The following ALLC variants were observed in gnomAD, a reference collection of about 807,000 sequenced individuals.
The protein encoded by ALLC is probable inactive allantoicase.
ALLC carries 40 observed loss-of-function variants against 45.0 expected under a neutral mutation model. The ratio of observed to expected loss-of-function variants is 0.89; its 90% CI spans 0.69 to 1.16. The LOEUF is 1.16. Among genes scored for constraint, ALLC ranks in the 50% most tolerant of loss-of-function variants. The probability of loss-of-function intolerance (pLI) is 0.00; values close to 1 mark genes in which losing one functional copy is unlikely to be tolerated. For synonymous variants in ALLC, 176 were observed against 178.1 expected (o/e 0.99, Z 0.09); for missense variants, 488 against 493.1 (o/e 0.99, Z 0.10).
intron 3 of ALLC, among the ~76,000 whole-genome samples, chr2:3,677,826 C>G (rs1416672214): frequency 6.6e-6 from 1 of 152,242 alleles, no homozygotes; most frequent in Non-Finnish European, 1.5e-5. Context: ...GGGAAAGTAT[C>G]CCCATGCTGG....
chr2:3,674,123 A>C lies in ALLC; in HGVS notation c.82A>C (p.Lys28Gln). 7.7e-6 allele frequency: 12 copies of C among 1,559,644 alleles called. No homozygotes were observed. The highest frequency in any genetic ancestry group is 1.0e-5 in the Non-Finnish European group (12 of 1,148,478). ...DFFAPAENLI[K>Q]SDSPCFKEHE... is the part of the protein sequence containing the mutation. ...TTTTGCTCCTGCAGAAAACCTCATA[A>C]AGGTATTGTAAATTGACATTCTGCA... is the stretch of plus-strand genomic sequence containing the variant. The change falls in exon 3 of 12, where the codon AAG becomes CAG. Residue 28 changes from lysine (K) to glutamine (Q), a missense_variant and splice_region_variant. By Grantham distance (53) the Lys-to-Gln change is moderately conservative (BLOSUM62 1). Coordinates refer to ENST00000252505, the MANE Select transcript of ALLC (RefSeq NM_018436.4).
intron 7 of ALLC, chr2:3,695,346 G>C (rs1667633974): frequency 4.3e-6 from 1 of 230,048 alleles, no homozygotes; most frequent in African/African-American, 2.3e-5. Context: ...GATAATTTCA[G>C]GCTGTGATTA....
At chr2:3,687,037 T>A (rs1404077139) in intron 7 of ALLC, among the ~76,000 whole-genome samples, 1 of 151,016 alleles carries the variant, frequency 6.6e-6, no homozygotes, top group Non-Finnish European at 1.5e-5. Context: ...GGCTTTCATT[T>A]TTTGTCCATT....
rs531659550 is a variant in ALLC, at chr2:3,675,340, T to G, written c.84+1215T>G. On this transcript the variant is annotated intron_variant, in intron 3 of 11. Transcript: ENST00000252505. ...AAGACGTTGAGGTTGCAGTGAGCCA[T>G]CATCATGCCACTGCACTCCAGCCTG... 1.4e-4 allele frequency among the ~76,000 whole-genome samples: 21 copies of G among 145,650 alleles called. No individual in the cohort carries two copies. The East Asian group carries it at 4.0e-3, about 28-fold the overall frequency.
upstream of ALLC, among the ~76,000 whole-genome samples, chr2:3,657,190 C>A (rs533888818): frequency 3.9e-5 from 6 of 152,108 alleles, no homozygotes; most frequent in African/African-American, 1.4e-4. Context: ...AGGCGCTGGA[C>A]GCATCCTAAC....
At chr2:3,667,754 G>A (rs915534546) in intron 1 of ALLC, among the ~76,000 whole-genome samples, 2 of 152,220 alleles carry the variant, frequency 1.3e-5, no homozygotes, top group African/African-American at 4.8e-5. Context: ...AATCCGGAAA[G>A]GCAGATAATA....
At chr2:3,692,593 A>T (rs113236513) in intron 7 of ALLC, among the ~76,000 whole-genome samples, 170 of 152,278 alleles carry the variant, frequency 1.1e-3, no homozygotes, top group African/African-American at 4.0e-3. Context: ...CTTCATTTGT[A>T]GTAAGCAATC....
At chr2:3,647,781 G>A in the ALLC span, among the ~76,000 whole-genome samples, 24 of 152,086 alleles carry the variant, frequency 1.6e-4, no homozygotes, top group Admixed American at 3.3e-4. Context: ...TCACTCCCTG[G>A]TGATCACTAA....
chr2:3,656,405 T>C (rs1394218736), upstream of ALLC, among the ~76,000 whole-genome samples: 1 of 152,266 alleles, frequency 6.6e-6, no homozygotes, highest in Non-Finnish European at 1.5e-5. Flanking sequence ...GGACGTCTGC[T>C]GTGCCACGAT....
Position 3,665,316 on chromosome 2 carries a change from A to T in ALLC, c.-62-5780A>T, listed in dbSNP as rs112037496. 5.6e-3 allele frequency among the ~76,000 whole-genome samples: 820 copies of T among 145,806 alleles called. 9 individuals carry two copies. The highest frequency in any genetic ancestry group is 0.019 in the African/African-American group (757 of 40,534). ...GTACTGAGTTGAAGTGTTTTTTTTT[A>T]AATTTTATTTTAAGTTCTGGGATAC... On this transcript the variant is annotated intron_variant, in intron 1 of 11. Transcript: ENST00000252505.
At chr2:3,655,328 A>C (rs1019445697), upstream of ALLC, among the ~76,000 whole-genome samples, 1 of 152,376 alleles carries the variant, frequency 6.6e-6, no homozygotes, top group East Asian at 1.9e-4. Flanking sequence ...GCGTGGATGC[A>C]GGTGGAGGGG....
chr2:3,693,723 C>G (rs1246705101), intron 7 of ALLC, among the ~76,000 whole-genome samples: 1 of 152,168 alleles, frequency 6.6e-6, no homozygotes, highest in Non-Finnish European at 1.5e-5. Flanking sequence ...CAGTGGGAGA[C>G]AGATAAGAAA....
the ALLC span, among the ~76,000 whole-genome samples, chr2:3,651,409 G>GCA: frequency 1.2e-4 from 6 of 49,506 alleles, no homozygotes; most frequent in African/African-American, 1.8e-4. Flanking sequence ...GTGTGTGTGT[G>GCA]TGTGTGTGTG....
At chr2:3,678,918 G>A (rs750460945) in intron 4 of ALLC, among the ~76,000 whole-genome samples, 21 of 152,204 alleles carry the variant, frequency 1.4e-4, no homozygotes, top group Middle Eastern at 3.4e-3. Flanking sequence ...CTTTATCCCC[G>A]TTTAACCGCC....
chr2:3,664,912 C>G (rs999560928), intron 1 of ALLC, among the ~76,000 whole-genome samples: 12 of 151,450 alleles, frequency 7.9e-5, no homozygotes, highest in African/African-American at 2.4e-4. Context: ...CAAAACCCCC[C>G]CCCAAACCAG....
the ALLC span, among the ~76,000 whole-genome samples, chr2:3,650,988 G>C: frequency 1.1e-4 from 17 of 152,222 alleles, no homozygotes; most frequent in Non-Finnish European, 2.2e-4. Context: ...GTAGACTGCA[G>C]AATCTGATCT....
intron 1 of ALLC, among the ~76,000 whole-genome samples, chr2:3,661,143 G>A (rs1480733351): frequency 6.6e-6 from 1 of 152,092 alleles, no homozygotes; most frequent in Non-Finnish European, 1.5e-5. Context: ...GAGAGCCTCC[G>A]TCCCGTCTCT....
At chr2:3,654,218 C>A (rs1666393355), upstream of ALLC, among the ~76,000 whole-genome samples, 1 of 151,234 alleles carries the variant, frequency 6.6e-6, no homozygotes. Flanking sequence ...TGGCTTCCCT[C>A]CATGTGAGTG....
chr2:3,652,701 G>T, the ALLC span, among the ~76,000 whole-genome samples: 1 of 147,678 alleles, frequency 6.8e-6, no homozygotes, highest in Non-Finnish European at 1.5e-5. Context: ...TCTTGCCTCA[G>T]ACTCCCAAGT....
Sources: allele counts gnomAD v4.1 joint callset (sites outside exome capture counted in the v4.1 genomes callset), GRCh38; gene constraint gnomAD v4.1.1; transcripts MANE v1.5; gene names NCBI Gene and HGNC (gene_info 2026-07-23, HGNC 2026-07-21).